TUBGCP3: variants seen among roughly 807,000 people sequenced by gnomAD.
TUBGCP3 encodes the protein gamma-tubulin complex component 3.
TUBGCP3 carries 50 observed loss-of-function variants against 123.1 expected under a neutral mutation model. The observed-to-expected ratio is 0.41, with a 90% CI of 0.32 to 0.51. The LOEUF (loss-of-function observed/expected upper bound fraction) is 0.51. Ranked by LOEUF, TUBGCP3 falls within the 20% of genes least tolerant of loss-of-function variation. The pLI, the probability that TUBGCP3 is intolerant of heterozygous loss-of-function variation, is 0.36. For missense variants in TUBGCP3, 882 were observed against 1,127.0 expected, an observed-to-expected ratio of 0.78 and a Z score of 3.11; for synonymous variants, 405 against 413.9, an observed-to-expected ratio of 0.98 and a Z score of 0.26.
chr13:112,591,587 T>C (rs1882883787), upstream of TUBGCP3, among the ~76,000 whole-genome samples: 1 of 152,258 alleles, frequency 6.6e-6, no homozygotes, highest in Non-Finnish European at 1.5e-5. Context: ...CTTGCGCCCC[T>C]TTCTGGTGGT....
intron 1 of TUBGCP3, among the ~76,000 whole-genome samples, chr13:112,578,278 G>A (rs1025681117): frequency 3.3e-5 from 5 of 151,914 alleles, no homozygotes; most frequent in African/African-American, 1.2e-4. Flanking sequence ...ACCTGCTCTC[G>A]GCCGGGCGCG....
intron 1 of TUBGCP3, among the ~76,000 whole-genome samples, chr13:112,580,668 A>G (rs1178608392): frequency 1.3e-5 from 2 of 152,248 alleles, no homozygotes; most frequent in African/African-American, 4.8e-5. Context: ...CAAAGGAGTA[A>G]GAAATGGATT....
chr13:112,519,912 G>T lies in TUBGCP3; in HGVS notation c.1855C>A (p.Arg619=). The part of the protein sequence containing the change: ...NAQFDSPEIL[R]RLDVRLLEVS... Reference sequence around the variant, plus strand: ...TCCAGCAGCCGCACGTCCAGCCTTCGCAGGATCTCAGGACTGTCAAACTGT... The same window carrying T: ...TCCAGCAGCCGCACGTCCAGCCTTCTCAGGATCTCAGGACTGTCAAACTGT... Residue 619 remains arginine, a synonymous_variant, in exon 15 of 22, where the codon CGA becomes AGA. Transcript: ENST00000261965. This position sits in a 1 kb window ranked among gnomAD's most constrained non-coding sequence, Gnocchi z 6.2. The T allele has an allele frequency of 6.2e-7, 1 of 1,613,784 alleles. No homozygotes were observed. Among genetic ancestry groups the T allele is most frequent in the Non-Finnish European group, 8.5e-7 (1 of 1,179,772 alleles).
intron 3 of TUBGCP3, among the ~76,000 whole-genome samples, chr13:112,559,972 T>G (rs1880363141): frequency 6.6e-6 from 1 of 151,468 alleles, no homozygotes. Flanking sequence ...CCATCTCTAC[T>G]AAAAACACAA....
At chr13:112,602,727 G>C in the TUBGCP3 span, 13 of 152,278 alleles carry the variant, frequency 8.5e-5, no homozygotes, top group African/African-American at 3.1e-4. Flanking sequence ...TCATTTTACC[G>C]AACGTTAGCT....
intron 4 of TUBGCP3, 136 bp downstream of exon 4, chr13:112,559,186 G>A (rs2139231482): frequency 1.7e-6 from 1 of 571,834 alleles, no homozygotes; most frequent in East Asian, 3.6e-5. Context: ...AAAAGGAAAA[G>A]AAATCTCTTG....
intron 17 of TUBGCP3, among the ~76,000 whole-genome samples, chr13:112,509,798 T>C (rs1213270357): frequency 6.6e-6 from 1 of 152,200 alleles, no homozygotes; most frequent in Non-Finnish European, 1.5e-5. Flanking sequence ...AATTAAACAC[T>C]ACAGGCAATA....
At chr13:112,555,084 C>T in intron 6 of TUBGCP3, 79 bp from the exon 7 acceptor site, 1 of 878,652 alleles carries the variant, frequency 1.1e-6, no homozygotes, top group South Asian at 1.7e-5. Context: ...CAATTAGCTT[C>T]AGATTAGATA....
chr13:112,543,751 A>G (rs1305406605), intron 11 of TUBGCP3, among the ~76,000 whole-genome samples: 2 of 152,218 alleles, frequency 1.3e-5, no homozygotes, highest in Non-Finnish European at 2.9e-5. Context: ...CAACTTTTTT[A>G]TAAGTTTGGA....
intron 1 of TUBGCP3, among the ~76,000 whole-genome samples, chr13:112,580,449 C>T (rs1021120910): frequency 5.3e-5 from 8 of 151,644 alleles, no homozygotes; most frequent in African/African-American, 1.9e-4. Context: ...CTGGACAATA[C>T]AGCAAGATCC....
the TUBGCP3 span, among the ~76,000 whole-genome samples, chr13:112,593,368 C>T: frequency 4.1e-4 from 63 of 151,958 alleles, no homozygotes; most frequent in Admixed American, 7.2e-4. Context: ...CAGTGAGCCA[C>T]GATGACACCA....
chr13:112,519,071 C>A lies in TUBGCP3; in HGVS notation c.1882-28G>T. ...AACAACAGAAACAAACACATAATTGCAAGACCTTAAGCTTCTTGCTGAAGA... is the reference window on the plus strand; with the variant it reads ...AACAACAGAAACAAACACATAATTGAAAGACCTTAAGCTTCTTGCTGAAGA... On this transcript the variant is annotated intron_variant, in intron 15 of 21. Transcript: ENST00000261965. The surrounding 1 kb of genome is among the most constrained non-coding windows in gnomAD (Gnocchi z 6.2). 6.3e-7 allele frequency: 1 copy of A among 1,581,834 alleles called. No individual in the cohort carries two copies. The highest frequency in any genetic ancestry group is 8.7e-7 in the Non-Finnish European group (1 of 1,150,784).
At chr13:112,503,781 T>G (rs1420077100) in intron 19 of TUBGCP3, among the ~76,000 whole-genome samples, 4 of 152,218 alleles carry the variant, frequency 2.6e-5, no homozygotes, top group African/African-American at 9.6e-5. Context: ...ATCTAGAAAA[T>G]GAAAAGGTAT....
At chr13:112,557,970 G>A (rs1419116462) in intron 5 of TUBGCP3, among the ~76,000 whole-genome samples, 1 of 152,212 alleles carries the variant, frequency 6.6e-6, no homozygotes, top group African/African-American at 2.4e-5. Flanking sequence ...GGTGAGAGCT[G>A]GCCAGAGCTT....
chr13:112,555,937 A>T, intron 6 of TUBGCP3, 115 bp downstream of exon 6: 1 of 1,230,178 alleles, frequency 8.1e-7, no homozygotes, highest in Non-Finnish European at 1.1e-6. Context: ...TCATAAGAAC[A>T]AGAAGAAACC....
At chr13:112,582,874 G>C (rs1045605620) in intron 1 of TUBGCP3, among the ~76,000 whole-genome samples, 1 of 152,180 alleles carries the variant, frequency 6.6e-6, no homozygotes, top group Non-Finnish European at 1.5e-5. Flanking sequence ...CCTGACCAGA[G>C]AGCAGTGCTG....
chr13:112,498,414 T>C (rs867744215), intron 20 of TUBGCP3, among the ~76,000 whole-genome samples: 3 of 152,242 alleles, frequency 2.0e-5, no homozygotes, highest in Non-Finnish European at 2.9e-5. Context: ...TAATTTTATA[T>C]ATTTTTTATA....
intron 18 of TUBGCP3, 67 bp from the exon 19 acceptor site, chr13:112,504,230 A>G: frequency 6.2e-7 from 1 of 1,602,816 alleles, no homozygotes; most frequent in Non-Finnish European, 8.5e-7. Context: ...TCACTCATAA[A>G]ATATATACCA....
chr13:112,552,616 T>C (rs536046368), intron 8 of TUBGCP3, among the ~76,000 whole-genome samples: 3 of 152,298 alleles, frequency 2.0e-5, no homozygotes, highest in African/African-American at 7.2e-5. Context: ...AGGAAGAAAC[T>C]TGTGGCCAAC....
Sources: gnomAD v4.1 joint callset for allele counts (sites outside exome capture counted in the v4.1 genomes callset) on GRCh38, gnomAD v4.1.1 for gene constraint, Gnocchi (gnomAD v3.1) non-coding constraint, MANE v1.5 for transcripts, NCBI Gene and HGNC (gene_info 2026-07-23, HGNC 2026-07-21) for gene names.